The following PPP2R2C variants were observed in gnomAD, a reference collection of about 807,000 sequenced individuals.
The protein encoded by PPP2R2C is protein phosphatase 2, regulatory subunit B, gamma.
In PPP2R2C, 10 loss-of-function variants were observed where a neutral mutation model predicts 45.3. The ratio of observed to expected loss-of-function variants is 0.22; its 90% CI spans 0.14 to 0.37. The LOEUF (loss-of-function observed/expected upper bound fraction) is 0.37, where lower values mean the gene tolerates loss of function less well. Among genes scored for constraint, PPP2R2C ranks in the 10% least tolerant of loss-of-function variants. PPP2R2C has a pLI of 1.00. For missense variants in PPP2R2C, 308 were observed against 619.7 expected (o/e 0.50, Z 5.34); for synonymous variants, 257 against 245.4 (o/e 1.05, Z -0.44).
Position 6,330,621 on chromosome 4 carries a change from C to T in PPP2R2C, c.961-1268G>A, listed in dbSNP as rs962309876. On this transcript the variant is annotated intron_variant, in intron 7 of 8. Coordinates refer to ENST00000382599, the MANE Select transcript of PPP2R2C (RefSeq NM_020416.4). This position sits in a 1 kb window ranked among gnomAD's most constrained non-coding sequence, Gnocchi z 7.0. ...CTCCCCTGGGTCACCAGCCTGCCCG[C>T]CTGCTCTGCAGATTTAGAACATGCC... Among the ~76,000 whole-genome samples, 7 of 152,146 alleles carry T rather than the reference C, an allele frequency of 4.6e-5. No homozygotes were observed. The highest frequency in any genetic ancestry group is 6.5e-5 in the Admixed American group (1 of 15,274).
At chr4:6,366,909 G>C (rs1473452844) in intron 5 of PPP2R2C, among the ~76,000 whole-genome samples, 1 of 152,104 alleles carries the variant, frequency 6.6e-6, no homozygotes, top group Admixed American at 6.5e-5. Context: ...GAGTTTTAAG[G>C]GGGGCTGACA....
At chr4:6,392,811 G>C (rs1410078588) in intron 1 of PPP2R2C, among the ~76,000 whole-genome samples, 1 of 152,170 alleles carries the variant, frequency 6.6e-6, no homozygotes, top group African/African-American at 2.4e-5. Flanking sequence ...CACTTTCAGG[G>C]GTGGGCGTGG....
At chr4:6,552,161 G>T (rs1018816581) in intron 1 of PPP2R2C, among the ~76,000 whole-genome samples, 1 of 152,226 alleles carries the variant, frequency 6.6e-6, no homozygotes, top group Non-Finnish European at 1.5e-5. Context: ...CATGGCACCT[G>T]CTCTGAAATG....
intron 1 of PPP2R2C, among the ~76,000 whole-genome samples, chr4:6,558,034 C>T (rs1161837315): frequency 6.6e-6 from 1 of 152,140 alleles, no homozygotes; most frequent in African/African-American, 2.4e-5. Flanking sequence ...AGCCTCAGCA[C>T]CCATCCTCTT....
chr4:6,321,753 A>G lies in PPP2R2C; in HGVS notation c.*1549T>C, dbSNP rs777517034. 2 of 152,124 alleles carry G rather than the reference A, an allele frequency of 1.3e-5. No individual in the cohort carries two copies. The highest frequency in any genetic ancestry group is 2.4e-5 in the African/African-American group (1 of 41,430). 9.4% of individuals were successfully genotyped at this position (152,124 alleles called of 1,614,324 possible). ...AACTACGTGGCTCTGCTGCAAGTCCATGAGCAAAGACGACTCAGAGGGGTG... is the reference window on the plus strand; with the variant it reads ...AACTACGTGGCTCTGCTGCAAGTCCGTGAGCAAAGACGACTCAGAGGGGTG... On this transcript the variant is annotated 3_prime_UTR_variant, in exon 9 of 9. Coordinates refer to ENST00000382599, the MANE Select transcript of PPP2R2C (RefSeq NM_020416.4).
intron 2 of PPP2R2C, among the ~76,000 whole-genome samples, chr4:6,380,542 C>A (rs1190645519): frequency 6.6e-6 from 1 of 152,160 alleles, no homozygotes; most frequent in Non-Finnish European, 1.5e-5. Context: ...CAGGACAACG[C>A]AGGTCACCCA....
intron 4 of PPP2R2C, among the ~76,000 whole-genome samples, chr4:6,375,590 C>T (rs1165131817): frequency 6.6e-6 from 1 of 152,220 alleles, no homozygotes; most frequent in Non-Finnish European, 1.5e-5. Context: ...TACAGCCATA[C>T]ACCACCCCTG....
intron 1 of PPP2R2C, among the ~76,000 whole-genome samples, chr4:6,541,599 T>A (rs1326130330): frequency 1.3e-5 from 2 of 152,040 alleles, no homozygotes; most frequent in African/African-American, 4.8e-5. Context: ...CAGGCTGGAG[T>A]GCAGTGGCGC....
chr4:6,365,079 C>T (rs932167300), intron 5 of PPP2R2C, among the ~76,000 whole-genome samples: 4 of 152,208 alleles, frequency 2.6e-5, no homozygotes, highest in Non-Finnish European at 5.9e-5. Flanking sequence ...TGGATCATCA[C>T]CTCTTTTGGG....
At chr4:6,535,408 G>A (rs1265382992) in intron 1 of PPP2R2C, 1 of 1,409,242 alleles carries the variant, frequency 7.1e-7, no homozygotes, top group Admixed American at 2.1e-5. Context: ...TAAAGTTGAG[G>A]AATCAAAGAG....
intron 1 of PPP2R2C, among the ~76,000 whole-genome samples, chr4:6,405,983 T>C (rs972989633): frequency 1.3e-5 from 2 of 152,272 alleles, no homozygotes; most frequent in East Asian, 3.9e-4. Flanking sequence ...CTATTATCAG[T>C]CTCATTAATA....
intron 2 of PPP2R2C, among the ~76,000 whole-genome samples, chr4:6,483,066 T>C (rs1436717336): frequency 6.6e-6 from 1 of 152,082 alleles, no homozygotes; most frequent in African/African-American, 2.4e-5. Flanking sequence ...TATCCTGACA[T>C]TCCTAGGGTG....
chr4:6,542,142 T>C (rs1185217528), intron 1 of PPP2R2C, among the ~76,000 whole-genome samples: 1 of 152,202 alleles, frequency 6.6e-6, no homozygotes, highest in Non-Finnish European at 1.5e-5. Flanking sequence ...CCAGCCACCA[T>C]GTGAACAAAC....
chr4:6,396,970 A>G (rs1315125240), intron 1 of PPP2R2C, among the ~76,000 whole-genome samples: 1 of 152,220 alleles, frequency 6.6e-6, no homozygotes, highest in Non-Finnish European at 1.5e-5. Context: ...TGCTACCCAC[A>G]GTTTAACAAC....
Position 6,453,639 on chromosome 4 carries a change from G to T in PPP2R2C, c.70+18521C>A, listed in dbSNP as rs575680542. ...GGCCCAGACCACCGGGGCTGTAATGGTTTCTCATAAAACTGCTTCTGCAAG... is the reference window on the plus strand; with the variant it reads ...GGCCCAGACCACCGGGGCTGTAATGTTTTCTCATAAAACTGCTTCTGCAAG... On this transcript the variant is annotated intron_variant, in intron 1 of 8. Coordinates refer to ENST00000382599, the MANE Select transcript of PPP2R2C (RefSeq NM_020416.4). Among the ~76,000 whole-genome samples, 3 of 152,282 alleles carry T rather than the reference G, an allele frequency of 2.0e-5. No homozygotes were observed. In the East Asian group the frequency reaches 5.8e-4, roughly 30 times the overall value.
At chr4:6,535,010 G>A (rs1724555562) in intron 2 of PPP2R2C, among the ~76,000 whole-genome samples, 3 of 152,266 alleles carry the variant, frequency 2.0e-5, no homozygotes, top group Admixed American at 2.0e-4. Context: ...AGTCCACAAG[G>A]AGGTGGCGCA....
intron 1 of PPP2R2C, 107 bp from the exon 2 acceptor site, chr4:6,381,201 A>G (rs1349322056): frequency 6.5e-7 from 1 of 1,543,730 alleles, no homozygotes; most frequent in South Asian, 1.2e-5. Flanking sequence ...CCGAGGCCCC[A>G]CAGCCCTGGG....
chr4:6,355,389 G>C (rs1713064441), intron 5 of PPP2R2C, among the ~76,000 whole-genome samples: 1 of 152,038 alleles, frequency 6.6e-6, no homozygotes, highest in Non-Finnish European at 1.5e-5. Flanking sequence ...TCCCGGGGAG[G>C]GATAGCATTG....
At chr4:6,530,166 A>T (rs1411360588) in intron 2 of PPP2R2C, among the ~76,000 whole-genome samples, 2 of 152,142 alleles carry the variant, frequency 1.3e-5, no homozygotes. Flanking sequence ...CCCATGGAAT[A>T]TGACGTCTTA....
Sources: allele counts gnomAD v4.1 joint callset (sites outside exome capture counted in the v4.1 genomes callset), GRCh38; gene constraint gnomAD v4.1.1; non-coding constraint Gnocchi (gnomAD v3.1); transcripts MANE v1.5; gene names NCBI Gene and HGNC (gene_info 2026-07-23, HGNC 2026-07-21).